ZIM2: variants seen among roughly 807,000 people sequenced by gnomAD.
ZIM2 encodes zinc finger protein 656.
ZIM2 carries 14 observed loss-of-function variants against 38.6 expected under a neutral mutation model. That is an observed-to-expected ratio of 0.36 (90% CI 0.24 to 0.57). The LOEUF is 0.57. ZIM2 is among the 20% of genes least tolerant of loss of function. ZIM2 has a pLI of 0.81. For synonymous variants in ZIM2, 247 were observed against 245.8 expected, an observed-to-expected ratio of 1.00 and a Z score of -0.04; for missense variants, 680 against 695.1, an observed-to-expected ratio of 0.98 and a Z score of 0.24.
chr19:56,822,904 C>T (rs990384001), intron 5 of ZIM2, 68 bp from the exon 6 acceptor site: 2 of 1,557,562 alleles, frequency 1.3e-6, no homozygotes, highest in Non-Finnish European at 1.7e-6. Flanking sequence ...TGCATGTGCA[C>T]AAACACCCCT....
At position 56,806,902 on chromosome 19, in the gene ZIM2, CCTTGAT is replaced by C. The variant is rs540166373; in HGVS notation, c.490+10838_490+10843del. On this transcript the variant is annotated intron_variant, in intron 9 of 12. Coordinates refer to ENST00000629319, the MANE Select transcript of ZIM2 (RefSeq NM_001387356.1). ...TCATCAGACTCCATATTTGCTGGCA[CCTTGAT>C]CTTGGACTTCCCAGCCTCCAGAACT... 2.6e-3 allele frequency among the ~76,000 whole-genome samples: 399 copies of C among 152,304 alleles called. 2 individuals are homozygous for C. Among genetic ancestry groups the C allele is most frequent in the Middle Eastern group, 0.01 (3 of 294 alleles).
At chr19:56,824,197 G>C in intron 4 of ZIM2, 65 bp downstream of exon 4, 1 of 1,567,680 alleles carries the variant, frequency 6.4e-7, no homozygotes, top group Non-Finnish European at 8.6e-7. Flanking sequence ...GAAGTGTGGA[G>C]GCTGAGAGCC....
At chr19:56,801,948 A>T (rs925706012) in intron 9 of ZIM2, among the ~76,000 whole-genome samples, 2 of 152,198 alleles carry the variant, frequency 1.3e-5, no homozygotes, top group African/African-American at 4.8e-5. Context: ...TCCATAAAGT[A>T]CCACAGCTGA....
chr19:56,828,457 G>C (rs143763322), intron 2 of ZIM2, among the ~76,000 whole-genome samples: 44 of 152,250 alleles, frequency 2.9e-4, no homozygotes, highest in Middle Eastern at 3.4e-3. Flanking sequence ...AAGATATACA[G>C]TTCAAAAGTG....
At chr19:56,831,615 C>A (rs1043840758) in intron 2 of ZIM2, among the ~76,000 whole-genome samples, 9 of 152,212 alleles carry the variant, frequency 5.9e-5, no homozygotes, top group African/African-American at 2.2e-4. Flanking sequence ...AAATCAGCAT[C>A]TCTCCTGAGT....
chr19:56,788,935 C>T (rs1259516591), intron 10 of ZIM2, among the ~76,000 whole-genome samples: 5 of 151,282 alleles, frequency 3.3e-5, no homozygotes. Context: ...TCTGCTTGAT[C>T]GATTCGCTAT....
intron 10 of ZIM2, among the ~76,000 whole-genome samples, chr19:56,789,146 A>G (rs2046791533): frequency 6.6e-6 from 1 of 152,088 alleles, no homozygotes. Context: ...TTACATAAGT[A>G]TGTCTTAAAT....
At chr19:56,783,406 A>G (rs1318184204) in intron 10 of ZIM2, among the ~76,000 whole-genome samples, 2 of 152,154 alleles carry the variant, frequency 1.3e-5, no homozygotes, top group African/African-American at 2.4e-5. Flanking sequence ...GAATCAACCC[A>G]AGTGCCCATC....
At chr19:56,777,074 T>C (rs575284896) in intron 12 of ZIM2, among the ~76,000 whole-genome samples, 1 of 152,216 alleles carries the variant, frequency 6.6e-6, no homozygotes, top group South Asian at 2.1e-4. Context: ...GTTGGAAAAA[T>C]ACTGAAGCCA....
chr19:56,830,353 G>A (rs1012819277), intron 2 of ZIM2, among the ~76,000 whole-genome samples: 18 of 152,190 alleles, frequency 1.2e-4, no homozygotes, highest in African/African-American at 3.9e-4. Flanking sequence ...GAAAGGGGAA[G>A]GGGAGCCCAC....
chr19:56,829,215 G>A (rs1398499895), intron 2 of ZIM2, among the ~76,000 whole-genome samples: 2 of 151,998 alleles, frequency 1.3e-5, no homozygotes, highest in Non-Finnish European at 2.9e-5. Flanking sequence ...GCTGGGCGTG[G>A]TGGCAGTAAT....
chr19:56,824,796 G>A, intron 3 of ZIM2: 1 of 759,580 alleles, frequency 1.3e-6, no homozygotes. Context: ...CCAGGCAGCA[G>A]TGGAGGCCAC....
intron 1 of ZIM2, among the ~76,000 whole-genome samples, chr19:56,839,249 T>G (rs1296928607): frequency 3.1e-5 from 3 of 96,776 alleles, no homozygotes; most frequent in Admixed American, 2.8e-4. Flanking sequence ...CGCAGCAAAC[T>G]CCAGCAGCCC....
In ZIM2 at chr19:56,817,794, C is replaced by T. The variant is rs1284183760; in HGVS notation, c.442G>A (p.Gly148Ser). Residue 148 changes from glycine to serine, a missense_variant, in exon 9 of 13, where the codon GGC becomes AGC. Coordinates refer to ENST00000629319, the MANE Select transcript of ZIM2 (RefSeq NM_001387356.1). ...EDDGHSHMTQ[G>S]HSSRSKRSAY... ...CTTCTCTTGGATCTTGATGAGTGGC[C>T]CTGCGTCATGTGGGAGTGGCCATCG... 1.9e-6 allele frequency: 3 copies of T among 1,614,074 alleles called. No individual in the cohort carries two copies. Among genetic ancestry groups the T allele is most frequent in the South Asian group, 2.2e-5 (2 of 91,062 alleles).
chr19:56,791,400 A>C (rs994295213), intron 9 of ZIM2: 1 of 152,262 alleles, frequency 6.6e-6, no homozygotes, highest in African/African-American at 2.4e-5. Flanking sequence ...TAAGTGCTCA[A>C]GTGTTCACTA....
rs1232641962 is a variant in ZIM2, at chr19:56,826,401, G to C, written c.-164C>G. ...ATATGTAATCACCTGTCTGGGAACA[G>C]GATCCTTTCTGGAACTTCAGACCAA... is the stretch of plus-strand genomic sequence containing the variant. On this transcript the variant is annotated 5_prime_UTR_variant, in exon 3 of 13. Coordinates refer to ENST00000629319, the MANE Select transcript of ZIM2 (RefSeq NM_001387356.1). 6.6e-6 allele frequency: 1 copy of C among 152,244 alleles called. No individual in the cohort carries two copies. Among genetic ancestry groups the C allele is most frequent in the African/African-American group, 2.4e-5 (1 of 41,452 alleles). The allele number at this position is 152,244 out of a possible 1,614,324, so 9.4% of individuals were successfully genotyped here.
intron 9 of ZIM2, chr19:56,812,451 G>GT (rs1388560650): frequency 1.0e-6 from 1 of 984,234 alleles, no homozygotes; most frequent in Non-Finnish European, 1.2e-6. Flanking sequence ...TAGACATGGA[G>GT]TTAGAGGGTC....
chr19:56,817,522 T>A, intron 9 of ZIM2: 2 of 1,606,338 alleles, frequency 1.2e-6, no homozygotes, highest in Non-Finnish European at 8.5e-7. Context: ...GGAAGATTCA[T>A]CTTCACAAAT....
intron 9 of ZIM2, among the ~76,000 whole-genome samples, chr19:56,809,428 A>G (rs2047947294): frequency 6.6e-6 from 1 of 152,220 alleles, no homozygotes. Context: ...TCAGGGACAC[A>G]GCAGCCGCAA....
Sources: gnomAD v4.1 joint callset for allele counts (sites outside exome capture counted in the v4.1 genomes callset) on GRCh38, gnomAD v4.1.1 for gene constraint, MANE v1.5 for transcripts, NCBI Gene and HGNC (gene_info 2026-07-23, HGNC 2026-07-21) for gene names.